Variants in USP22 observed in about 807,000 individuals in gnomAD.
The protein encoded by USP22 is ubiquitin specific peptidase 22.
A neutral mutation model predicts 68.1 loss-of-function variants in USP22; 22 were observed. The observed-to-expected ratio is 0.32, with a 90% confidence interval of 0.23 to 0.46. The LOEUF is 0.46. USP22 is among the 20% of genes least tolerant of loss of function. The pLI is 1.00. For synonymous variants in USP22, 279 were observed against 274.2 expected (o/e 1.02, Z -0.17); for missense variants, 433 against 695.8 (o/e 0.62, Z 4.25).
At chr17:21,004,857 A>G in intron 11 of USP22, 71 bp downstream of exon 11, 1 of 1,570,528 alleles carries the variant, frequency 6.4e-7, no homozygotes, top group South Asian at 1.1e-5. Context: ...GCGCCCTACA[A>G]GGCAGACAGG....
chr17:21,014,978 T>TGC (rs1224716548), intron 6 of USP22, among the ~76,000 whole-genome samples: 20 of 152,158 alleles, frequency 1.3e-4, no homozygotes, highest in Admixed American at 5.2e-4. Flanking sequence ...GCACGGGCTT[T>TGC]AGGAAGACCT....
chr17:21,010,487 GCCAACATGGTAAAACC>G (rs1913924950), intron 8 of USP22, among the ~76,000 whole-genome samples: 1 of 151,804 alleles, frequency 6.6e-6, no homozygotes, highest in African/African-American at 2.4e-5. Context: ...GACTAGCCTG[GCCAACATGGTAAAACC>G]CCCGCTCTAC....
intron 1 of USP22, among the ~76,000 whole-genome samples, chr17:21,035,143 C>T (rs181032545): frequency 1.9e-4 from 29 of 152,278 alleles, no homozygotes; most frequent in African/African-American, 7.0e-4. Context: ...ATTGAGCTCA[C>T]CTCACACAAC....
intron 10 of USP22, among the ~76,000 whole-genome samples, chr17:21,005,349 A>C (rs1481698412): frequency 2.6e-5 from 4 of 152,234 alleles, no homozygotes; most frequent in Non-Finnish European, 4.4e-5. Context: ...GGTTAGCTTG[A>C]AAGGGTACGC....
At chr17:21,039,967 G>A (rs981245665) in intron 1 of USP22, among the ~76,000 whole-genome samples, 1 of 152,160 alleles carries the variant, frequency 6.6e-6, no homozygotes, top group Non-Finnish European at 1.5e-5. Context: ...CACTCTGGGA[G>A]ACAGGAGGAT....
intron 2 of USP22, among the ~76,000 whole-genome samples, chr17:21,023,515 T>G (rs1972182166): frequency 6.6e-6 from 1 of 151,368 alleles, no homozygotes; most frequent in Non-Finnish European, 1.5e-5. Context: ...TGTGGTGGTG[T>G]GTGTCTAAGG....
At chr17:21,032,922 C>CAAAAAAAAAAAAAAAAAAAA (rs753804890) in intron 1 of USP22, among the ~76,000 whole-genome samples, 1 of 91,578 alleles carries the variant, frequency 1.1e-5, no homozygotes, top group Non-Finnish European at 1.9e-5. Flanking sequence ...GACCCTGTCT[C>CAAAAAAAAAAAAAAAAAAAA]AAAAAAAAAA....
At chr17:21,042,561 G>GA (rs751651923) in intron 1 of USP22, 104 bp downstream of exon 1, 1 of 1,154,430 alleles carries the variant, frequency 8.7e-7, no homozygotes, top group Middle Eastern at 3.0e-4. Flanking sequence ...ACAGGGAAAG[G>GA]CAACGGGGGA....
intron 6 of USP22, chr17:21,015,545 G>C: frequency 1.6e-6 from 1 of 635,114 alleles, no homozygotes; most frequent in Non-Finnish European, 2.5e-6. Flanking sequence ...CTACTTCCTC[G>C]CCTCTTAAAA....
At chr17:21,022,081 CAGAG>C (rs768457526) in intron 2 of USP22, among the ~76,000 whole-genome samples, 57 of 152,052 alleles carry the variant, frequency 3.7e-4, no homozygotes, top group Non-Finnish European at 6.6e-4. Context: ...GCCTGGGCAA[CAGAG>C]TGAGACTCTG....
intron 10 of USP22, among the ~76,000 whole-genome samples, chr17:21,005,825 A>G (rs1341592087): frequency 6.6e-6 from 1 of 152,252 alleles, no homozygotes; most frequent in African/African-American, 2.4e-5. Flanking sequence ...CTGGGACCTC[A>G]TTTGTAAAAC....
intron 1 of USP22, 45 bp downstream of exon 1, chr17:21,042,620 G>C: frequency 8.0e-7 from 1 of 1,256,652 alleles, no homozygotes; most frequent in South Asian, 2.8e-5. Flanking sequence ...CCTCAGGAGC[G>C]GCAGAAGGCC....
rs1242093998 is a variant in USP22 at position 21,002,852 on chromosome 17, C to T, written c.*179G>A. The T allele has an allele frequency of 2.5e-5, 17 of 689,790 alleles. No homozygotes were observed. Among genetic ancestry groups the T allele is most frequent in the African/African-American group, 3.6e-5 (2 of 55,620 alleles). 42.7% of individuals were successfully genotyped at this position (689,790 alleles called of 1,614,324 possible). On this transcript the variant is annotated 3_prime_UTR_variant, in exon 13 of 13. Transcript: ENST00000261497. ...AAGCAGCTCCAGGAGCCTCCCCGTCCGTGTGGTCCATCCCGACCCGATGGG... is the reference window on the plus strand; with the variant it reads ...AAGCAGCTCCAGGAGCCTCCCCGTCTGTGTGGTCCATCCCGACCCGATGGG...
intron 1 of USP22, 115 bp downstream of exon 1, chr17:21,042,550 G>A: frequency 9.5e-7 from 1 of 1,047,424 alleles, no homozygotes; most frequent in Non-Finnish European, 1.2e-6. Flanking sequence ...GAAGAGGAAG[G>A]ACAGGGAAAG....
intron 1 of USP22, among the ~76,000 whole-genome samples, chr17:21,035,245 G>A (rs1229060794): frequency 6.6e-6 from 1 of 152,112 alleles, no homozygotes; most frequent in Non-Finnish European, 1.5e-5. Flanking sequence ...TTTCTTACCA[G>A]AGCTGCTAAC....
chr17:21,015,166 T>A (rs1914092540), intron 6 of USP22, among the ~76,000 whole-genome samples: 1 of 152,140 alleles, frequency 6.6e-6, no homozygotes, highest in African/African-American at 2.4e-5. Context: ...GAGCTGCCCC[T>A]GCCAACTACC....
intron 11 of USP22, 116 bp downstream of exon 11, chr17:21,004,812 A>T (rs1004093259): frequency 1.0e-6 from 1 of 982,898 alleles, no homozygotes; most frequent in East Asian, 2.5e-5. Flanking sequence ...CGGGCAGCCA[A>T]GCGGGAAGCA....
At chr17:21,017,175 T>C (rs545461242) in intron 5 of USP22, among the ~76,000 whole-genome samples, 1 of 152,334 alleles carries the variant, frequency 6.6e-6, no homozygotes, top group East Asian at 1.9e-4. Context: ...TGCTCAACTC[T>C]GTGGCTGTCC....
intron 1 of USP22, 79 bp from the exon 2 acceptor site, chr17:21,028,753 C>T (rs1468410570): frequency 1.2e-4 from 180 of 1,496,658 alleles, no homozygotes; most frequent in Middle Eastern, 1.8e-4. Context: ...AGCAAAGCAT[C>T]CCCCCGAGAC....
Sources: gnomAD v4.1 joint callset for allele counts (sites outside exome capture counted in the v4.1 genomes callset) on GRCh38, gnomAD v4.1.1 for gene constraint, MANE v1.5 for transcripts, NCBI Gene and HGNC (gene_info 2026-07-23, HGNC 2026-07-21) for gene names.